The following SRGAP2 variants were observed in gnomAD, a reference collection of about 807,000 sequenced individuals.
SRGAP2 encodes the protein SLIT-ROBO Rho GTPase activating protein 2.
SRGAP2 carries 15 observed loss-of-function variants against 57.2 expected under a neutral mutation model. The ratio of observed to expected loss-of-function variants is 0.26; its 90% CI spans 0.18 to 0.40. The LOEUF is 0.40. Among genes scored for constraint, SRGAP2 ranks in the 10% least tolerant of loss-of-function variants. The probability of loss-of-function intolerance (pLI) is 1.00; values close to 1 mark genes in which losing one functional copy is unlikely to be tolerated. For missense variants in SRGAP2, 520 were observed against 669.6 expected, an observed-to-expected ratio of 0.78 and a Z score of 2.47; for synonymous variants, 249 against 248.0, an observed-to-expected ratio of 1.00 and a Z score of -0.04.
intron 4 of SRGAP2, among the ~76,000 whole-genome samples, chr1:206,369,070 A>G (rs1654290243): frequency 1.3e-5 from 2 of 152,228 alleles, no homozygotes; most frequent in Admixed American, 1.3e-4. Flanking sequence ...TTTGGCACTC[A>G]GTTATAAATA....
Position 206,372,993 on chromosome 1 carries a change from CTTTCTT to C in SRGAP2, c.424-11019_424-11014del, listed in dbSNP as rs1558359443. Among the ~76,000 whole-genome samples, 48 of 95,626 alleles carry C rather than the reference CTTTCTT, an allele frequency of 5.0e-4. 4 individuals are homozygous for C. The highest frequency in any genetic ancestry group is 2.1e-3 in the African/African-American group (48 of 23,072). The allele number at this position is 95,626 out of a possible 152,430, so 62.7% of individuals were successfully genotyped here. A position where few individuals can be genotyped will look rare whatever the true frequency, so the allele number is the denominator to read the frequency against. ...TCTTTCTTTCTTTCTTTCTTTCTTT[CTTTCTT>C]TCTTTCTTTCTTTCTTTCTTTCTTT... is the stretch of plus-strand genomic sequence containing the variant. On this transcript the variant is annotated intron_variant, in intron 4 of 22. Coordinates refer to ENST00000573034, the MANE Select transcript of SRGAP2 (RefSeq NM_015326.5).
At position 206,461,415 on chromosome 1, in the gene SRGAP2, G is replaced by A. The variant is rs1664259094; in HGVS notation, c.3211G>A (p.Val1071Ile). ...ACAGTCTACTGACAAGTCTTGTACT[G>A]TCTGAGGGATAATAATTTAATTGTT... Reference protein sequence around the residue: ...SPQSTDKSCTV With the variant: ...SPQSTDKSCTI Residue 1071 changes from valine to isoleucine, a missense_variant, in exon 23 of 23, where the codon GTC (valine) becomes ATC (isoleucine). Coordinates refer to ENST00000573034, the MANE Select transcript of SRGAP2 (RefSeq NM_015326.5). The A allele has an allele frequency of 2.6e-6, 2 of 755,528 alleles. No homozygotes were observed. Among genetic ancestry groups the A allele is most frequent in the Admixed American group, 1.8e-5 (1 of 55,526 alleles). The allele number at this position is 755,528 out of a possible 1,614,324, so 46.8% of individuals were successfully genotyped here. A position where few individuals can be genotyped will look rare whatever the true frequency, so the allele number is the denominator to read the frequency against.
rs1420373612 is a variant in SRGAP2 at position 206,206,212 on chromosome 1, G to T, written c.67+175G>T. Reference sequence around the variant, plus strand: ...CTCCAAAGGATGGGCAATGCCAGGGGGCCATTGACACTGGAAAGGAATTTT... The same window carrying T: ...CTCCAAAGGATGGGCAATGCCAGGGTGCCATTGACACTGGAAAGGAATTTT... On this transcript the variant is annotated intron_variant, in intron 2 of 22. Transcript: ENST00000573034. 6.8e-3 allele frequency: 3,626 copies of T among 536,850 alleles called. 21 individuals are homozygous for T. The highest frequency in any genetic ancestry group is 0.023 in the Middle Eastern group (45 of 1,956). The allele number at this position is 536,850 out of a possible 1,614,324, so 33.3% of individuals were successfully genotyped here. A position where few individuals can be genotyped will look rare whatever the true frequency, so the allele number is the denominator to read the frequency against.
chr1:206,292,904 GTCT>G (rs1192344773), intron 2 of SRGAP2, among the ~76,000 whole-genome samples: 1 of 150,516 alleles, frequency 6.6e-6, no homozygotes, highest in Non-Finnish European at 1.5e-5. Flanking sequence ...GAACTTCTTG[GTCT>G]TCTTTAATCA....
chr1:206,386,193 C>A (rs537430020), intron 5 of SRGAP2, among the ~76,000 whole-genome samples: 2 of 152,172 alleles, frequency 1.3e-5, no homozygotes, highest in Non-Finnish European at 2.9e-5. Context: ...GTGCACAGGG[C>A]AGCTCCCACA....
At chr1:206,339,296 G>A (rs538197477) in intron 3 of SRGAP2, among the ~76,000 whole-genome samples, 2,344 of 152,152 alleles carry the variant, frequency 0.015, 62 homozygotes, top group African/African-American at 0.054. Context: ...CATGAACCCA[G>A]CCTAGGCCCT....
rs781782789 is a variant in SRGAP2 at position 206,436,929 on chromosome 1, TTTC to T, written c.1556-27_1556-25del. On this transcript the variant is annotated intron_variant, in intron 14 of 22. Transcript: ENST00000573034. ...TGGCACTATGCTTGTGAATTTGCTT[TTTC>T]TTCTTCTTGATCACTTTTCTGTGTA... 1.8e-5 allele frequency: 14 copies of T among 780,532 alleles called. 1 individual carries two copies. The highest frequency in any genetic ancestry group is 1.5e-4 in the South Asian group (11 of 74,606). The allele number at this position is 780,532 out of a possible 1,614,324, so 48.4% of individuals were successfully genotyped here.
chr1:206,433,747 C>T lies in SRGAP2; in HGVS notation c.1556-3218C>T, dbSNP rs1295470982. On this transcript the variant is annotated intron_variant, in intron 14 of 22. Coordinates refer to ENST00000573034, the MANE Select transcript of SRGAP2 (RefSeq NM_015326.5). Reference sequence around the variant, plus strand: ...ACTGTATTACAAGTGAATAACGTAACCACAATGAAGAGAATGAGGAAGAAA... The same window carrying T: ...ACTGTATTACAAGTGAATAACGTAATCACAATGAAGAGAATGAGGAAGAAA... 2.6e-5 allele frequency among the ~76,000 whole-genome samples: 4 copies of T among 151,722 alleles called. No individual in the cohort carries two copies. The East Asian group carries it at 7.7e-4, about 29-fold the overall frequency.
At chr1:206,438,955 G>A (rs1553370969) in intron 16 of SRGAP2, among the ~76,000 whole-genome samples, 1 of 152,176 alleles carries the variant, frequency 6.6e-6, no homozygotes, top group African/African-American at 2.4e-5. Context: ...TGGCTCTCTG[G>A]TTTGTTTTGT....
chr1:206,443,423 G>A (rs1662485363), intron 17 of SRGAP2, among the ~76,000 whole-genome samples: 1 of 152,202 alleles, frequency 6.6e-6, no homozygotes, highest in Admixed American at 6.5e-5. Context: ...CCCCCAAGCT[G>A]GAGTGCAATG....
At chr1:206,363,770 C>T (rs1441354613) in intron 4 of SRGAP2, among the ~76,000 whole-genome samples, 7 of 152,238 alleles carry the variant, frequency 4.6e-5, no homozygotes, top group East Asian at 1.9e-4. Flanking sequence ...ACCGTAGAAG[C>T]GATGTCATAT....
At chr1:206,460,875 C>T (rs1311877872) in intron 22 of SRGAP2, among the ~76,000 whole-genome samples, 162 bp from the exon 23 acceptor site, 1 of 152,182 alleles carries the variant, frequency 6.6e-6, no homozygotes, top group Non-Finnish European at 1.5e-5. Context: ...TCCCCCTTTC[C>T]CTACTTCCTG....
In SRGAP2 at chr1:206,364,322, G is replaced by A. The variant is rs1352978147; in HGVS notation, c.424-19692G>A. The stretch of plus-strand genomic sequence containing the variant: ...TTCTTTTTTTTTTTTTTTTTTTTGA[G>A]ATGGAGTTTTGCTCTTGTTGCCCAG... On this transcript the variant is annotated intron_variant, in intron 4 of 22. Transcript: ENST00000573034. 1.3e-3 allele frequency among the ~76,000 whole-genome samples: 133 copies of A among 106,196 alleles called. 1 individual carries two copies. Among genetic ancestry groups the A allele is most frequent in the Admixed American group, 5.3e-3 (51 of 9,648 alleles). 69.7% of individuals were successfully genotyped at this position (106,196 alleles called of 152,430 possible).
In SRGAP2 at chr1:206,363,987, G is replaced by A. The variant is rs186248534; in HGVS notation, c.424-20027G>A. Reference sequence around the variant, plus strand: ...TGTTAACTGAAACAATCCTACTAGCGGATTTTACCAAGAGAGTGCCATGGA... The same window carrying A: ...TGTTAACTGAAACAATCCTACTAGCAGATTTTACCAAGAGAGTGCCATGGA... On this transcript the variant is annotated intron_variant, in intron 4 of 22. Coordinates refer to ENST00000573034, the MANE Select transcript of SRGAP2 (RefSeq NM_015326.5). Among the ~76,000 whole-genome samples, 479 of 149,274 alleles carry A rather than the reference G, an allele frequency of 3.2e-3. 1 individual carries two copies. The highest frequency in any genetic ancestry group is 0.011 in the African/African-American group (426 of 40,160).
intron 13 of SRGAP2, among the ~76,000 whole-genome samples, chr1:206,428,969 TATAATA>T (rs1199016627): frequency 2.0e-5 from 3 of 152,046 alleles, no homozygotes; most frequent in African/African-American, 4.8e-5. Flanking sequence ...TTTTAATGAG[TATAATA>T]ATAATAATAT....
intron 7 of SRGAP2, among the ~76,000 whole-genome samples, chr1:206,395,406 CTT>C (rs1353403319): frequency 1.4e-5 from 2 of 138,362 alleles, no homozygotes; most frequent in Non-Finnish European, 3.0e-5. Context: ...TCTGGTACCT[CTT>C]TGTTCTCTCT....
chr1:206,336,068 G>A (rs1242720726), intron 3 of SRGAP2, among the ~76,000 whole-genome samples: 1 of 147,556 alleles, frequency 6.8e-6, no homozygotes, highest in Non-Finnish European at 1.5e-5. Context: ...CCTAAGGTCC[G>A]GCTCTTGGGC....
intron 2 of SRGAP2, chr1:206,207,690 G>A (rs1249878939): frequency 8.3e-6 from 1 of 120,230 alleles, no homozygotes; most frequent in Non-Finnish European, 1.7e-5. Flanking sequence ...TAATAACTTT[G>A]ATCTTCCCAG....
intron 13 of SRGAP2, among the ~76,000 whole-genome samples, chr1:206,424,048 C>T (rs1660577936): frequency 6.6e-6 from 1 of 151,250 alleles, no homozygotes; most frequent in African/African-American, 2.4e-5. Context: ...CTGCCTCGGC[C>T]TCCCAAAGTG....
Sources: allele counts gnomAD v4.1 joint callset (sites outside exome capture counted in the v4.1 genomes callset), GRCh38; gene constraint gnomAD v4.1.1; transcripts MANE v1.5; gene names NCBI Gene and HGNC (gene_info 2026-07-23, HGNC 2026-07-21).